The following IQCM variants were observed in gnomAD, a reference collection of about 807,000 sequenced individuals.
The protein encoded by IQCM is IQ domain-containing protein M.
Under a neutral mutation model 57.6 loss-of-function variants are expected in IQCM, and 45 were observed. The ratio of observed to expected loss-of-function variants is 0.78; its 90% CI spans 0.62 to 1.00. The LOEUF is 1.00. Ranked by LOEUF, IQCM falls within the 50% of genes least tolerant of loss-of-function variation. The pLI, the probability that IQCM is intolerant of heterozygous loss-of-function variation, is 0.00. For missense variants in IQCM, 468 were observed against 511.6 expected, an observed-to-expected ratio of 0.91 and a Z score of 0.82; for synonymous variants, 148 against 158.9, an observed-to-expected ratio of 0.93 and a Z score of 0.51.
intron 5 of IQCM, among the ~76,000 whole-genome samples, chr4:149,694,982 A>G (rs570545666): frequency 7.9e-5 from 12 of 152,362 alleles, no homozygotes; most frequent in African/African-American, 2.6e-4. Context: ...AATGAAACTT[A>G]AAAATTTTAA....
intron 12 of IQCM, among the ~76,000 whole-genome samples, chr4:149,521,022 C>T (rs1170250144): frequency 6.6e-6 from 1 of 152,160 alleles, no homozygotes; most frequent in Non-Finnish European, 1.5e-5. Context: ...TAAAACAGGA[C>T]AGCTAGCTAA....
intron 5 of IQCM, 45 bp from the exon 6 acceptor site, chr4:149,686,513 G>A (rs1762555920): frequency 1.3e-6 from 1 of 783,192 alleles, no homozygotes; most frequent in Non-Finnish European, 1.7e-6. Flanking sequence ...TAGTTTTCAA[G>A]TTGTAAGTGC....
chr4:149,732,729 T>C (rs983888053), intron 5 of IQCM, among the ~76,000 whole-genome samples: 1 of 152,176 alleles, frequency 6.6e-6, no homozygotes, highest in African/African-American at 2.4e-5. Context: ...AAGCCATTAT[T>C]TTCAGGAAAA....
At chr4:149,512,910 C>A (rs1183954980) in intron 12 of IQCM, among the ~76,000 whole-genome samples, 1 of 152,084 alleles carries the variant, frequency 6.6e-6, no homozygotes, top group Non-Finnish European at 1.5e-5. Context: ...TCTAAGTTTA[C>A]AATGTCTTAT....
intron 2 of IQCM, among the ~76,000 whole-genome samples, chr4:149,752,213 C>T (rs1768515801): frequency 6.6e-6 from 1 of 152,000 alleles, no homozygotes; most frequent in South Asian, 2.1e-4. Context: ...AGGAATAACA[C>T]ATTGAGTAAC....
Position 149,443,489 on chromosome 4 carries a change from C to G in IQCM, c.1229-9932G>C, listed in dbSNP as rs552012004. Reference sequence around the variant, plus strand: ...ATACTTATAAAGTTCTGAGAAAATTCTGTAATCAAGTTTTATATGAAGCCA... The same window carrying G: ...ATACTTATAAAGTTCTGAGAAAATTGTGTAATCAAGTTTTATATGAAGCCA... On this transcript the variant is annotated intron_variant, in intron 12 of 13. Transcript: ENST00000636793. Among the ~76,000 whole-genome samples the G allele has an allele frequency of 4.9e-4, 74 of 151,984 alleles. 1 individual carries two copies. The South Asian group carries it at 0.015, about 32-fold the overall frequency.
intron 12 of IQCM, among the ~76,000 whole-genome samples, chr4:149,530,800 C>A (rs1746659164): frequency 2.7e-4 from 1 of 3,676 alleles, no homozygotes; most frequent in Non-Finnish European, 1.2e-3. Flanking sequence ...CCCCCACCCC[C>A]CCACCCCCCC....
intron 12 of IQCM, among the ~76,000 whole-genome samples, chr4:149,463,592 G>A (rs535217142): frequency 6.6e-6 from 1 of 152,076 alleles, no homozygotes. Flanking sequence ...CTGAGGAATG[G>A]GGAACAATTG....
rs561212436 is a variant in IQCM, at chr4:149,411,639, A to G, written c.1390+21757T>C. ...TTCCAAGATGTTTTTCACTAGGTTAATATTTCTAGTTCACCTTAAAATTAA... is the reference window on the plus strand; with the variant it reads ...TTCCAAGATGTTTTTCACTAGGTTAGTATTTCTAGTTCACCTTAAAATTAA... On this transcript the variant is annotated intron_variant, in intron 13 of 13. Coordinates refer to ENST00000636793, the MANE Select transcript of IQCM (RefSeq NM_001363507.2). Among the ~76,000 whole-genome samples the G allele has an allele frequency of 4.9e-4, 74 of 152,296 alleles. 1 individual carries two copies. In the South Asian group the frequency reaches 0.015, roughly 32 times the overall value.
At chr4:149,686,504 A>G in intron 5 of IQCM, 36 bp from the exon 6 acceptor site, 1 of 886,070 alleles carries the variant, frequency 1.1e-6, no homozygotes, top group Non-Finnish European at 1.5e-6. Flanking sequence ...GCATACTATT[A>G]GTTTTCAAGT....
chr4:149,442,577 ATC>A (rs1261804415), intron 12 of IQCM, among the ~76,000 whole-genome samples: 1 of 152,004 alleles, frequency 6.6e-6, no homozygotes, highest in Non-Finnish European at 1.5e-5. Flanking sequence ...CATAACAAGA[ATC>A]TCTTCTCGTC....
chr4:149,631,803 A>G (rs1204823007), intron 7 of IQCM, among the ~76,000 whole-genome samples: 2 of 152,140 alleles, frequency 1.3e-5, no homozygotes, highest in Non-Finnish European at 2.9e-5. Context: ...TTTTCTCCAT[A>G]TCAATTGCCA....
At chr4:149,636,438 G>A (rs1757721825) in intron 7 of IQCM, among the ~76,000 whole-genome samples, 1 of 152,098 alleles carries the variant, frequency 6.6e-6, no homozygotes, top group African/African-American at 2.4e-5. Context: ...CAGGAGAGGA[G>A]ACCTAAGAGA....
chr4:149,577,005 T>G (rs1391207750), intron 9 of IQCM, among the ~76,000 whole-genome samples: 1 of 152,052 alleles, frequency 6.6e-6, no homozygotes, highest in Non-Finnish European at 1.5e-5. Context: ...TAAGCATTTT[T>G]TATATGCTCA....
intron 13 of IQCM, among the ~76,000 whole-genome samples, chr4:149,428,667 A>G (rs1294604869): frequency 1.3e-5 from 2 of 151,866 alleles, no homozygotes; most frequent in African/African-American, 4.8e-5. Flanking sequence ...AATTGCTGGA[A>G]TCTTTAAAGC....
At chr4:149,518,786 G>A (rs1044086112) in intron 12 of IQCM, among the ~76,000 whole-genome samples, 2 of 152,186 alleles carry the variant, frequency 1.3e-5, no homozygotes, top group Non-Finnish European at 2.9e-5. Context: ...ACCAGGGAGA[G>A]AGAGAGAGAA....
intron 13 of IQCM, among the ~76,000 whole-genome samples, chr4:149,418,187 A>G (rs1294334355): frequency 6.6e-6 from 1 of 151,766 alleles, no homozygotes; most frequent in Admixed American, 6.6e-5. Context: ...TTTAATTAAT[A>G]AAACAGACCA....
intron 12 of IQCM, among the ~76,000 whole-genome samples, chr4:149,522,262 C>G (rs1745730440): frequency 6.6e-6 from 1 of 152,142 alleles, no homozygotes; most frequent in Non-Finnish European, 1.5e-5. Context: ...ATCCAGATTG[C>G]CACAGCTTAA....
At chr4:149,358,895 G>C (rs890226648) in intron 13 of IQCM, among the ~76,000 whole-genome samples, 2 of 79,016 alleles carry the variant, frequency 2.5e-5, no homozygotes, top group Admixed American at 1.2e-4. Flanking sequence ...ACAGTGGAGA[G>C]CTGTGCTATC....
Sources: gnomAD v4.1 joint callset for allele counts (sites outside exome capture counted in the v4.1 genomes callset) on GRCh38, gnomAD v4.1.1 for gene constraint, MANE v1.5 for transcripts, NCBI Gene and HGNC (gene_info 2026-07-23, HGNC 2026-07-21) for gene names.